The following ABTB3 variants were observed in gnomAD, a reference collection of about 807,000 sequenced individuals.
The protein encoded by ABTB3 is ankyrin repeat- and BTB/POZ domain-containing protein 3.
chr12:107,531,820 C>T, the ABTB3 span, among the ~76,000 whole-genome samples: 1 of 152,116 alleles, frequency 6.6e-6, no homozygotes, highest in African/African-American at 2.4e-5. Context: ...CCCTGGGTCC[C>T]AGTAGCCCCT....
At chr12:107,363,161 G>T in the ABTB3 span, among the ~76,000 whole-genome samples, 2 of 152,206 alleles carry the variant, frequency 1.3e-5, no homozygotes, top group African/African-American at 4.8e-5. Flanking sequence ...CCCTCACTGC[G>T]TTGGGGCAGG....
At chr12:107,364,416 AGT>A in the ABTB3 span, among the ~76,000 whole-genome samples, 1 of 151,798 alleles carries the variant, frequency 6.6e-6, no homozygotes, top group Admixed American at 6.6e-5. Context: ...AGCCCTCCTG[AGT>A]AGCTGGAACT....
At chr12:107,494,937 A>T in the ABTB3 span, among the ~76,000 whole-genome samples, 1 of 152,084 alleles carries the variant, frequency 6.6e-6, no homozygotes, top group Non-Finnish European at 1.5e-5. Context: ...GGCCTTTTAA[A>T]CTCTGTCTCC....
the ABTB3 span, among the ~76,000 whole-genome samples, chr12:107,503,043 T>G: frequency 1.3e-5 from 2 of 152,148 alleles, no homozygotes; most frequent in African/African-American, 4.8e-5. Context: ...GGAGGGGACA[T>G]GCCAGGCCTT....
chr12:107,544,283 C>A, the ABTB3 span: 29 of 849,378 alleles, frequency 3.4e-5, no homozygotes, highest in Non-Finnish European at 4.9e-5. Flanking sequence ...ACCTTGCACC[C>A]TGAGGGGATA....
chr12:107,576,093 T>C, the ABTB3 span, among the ~76,000 whole-genome samples: 1 of 152,164 alleles, frequency 6.6e-6, no homozygotes, highest in Non-Finnish European at 1.5e-5. Flanking sequence ...CATCCCCTAC[T>C]GCACTAGGTT....
the ABTB3 span, among the ~76,000 whole-genome samples, chr12:107,369,706 G>GTTTTTTTT: frequency 2.7e-5 from 2 of 74,776 alleles, no homozygotes; most frequent in African/African-American, 9.2e-5. Flanking sequence ...GCCCAAACAT[G>GTTTTTTTT]GTTTTTTTTT....
At chr12:107,646,677 G>A in the ABTB3 span, among the ~76,000 whole-genome samples, 1 of 152,148 alleles carries the variant, frequency 6.6e-6, no homozygotes, top group East Asian at 1.9e-4. Context: ...ACAGACAGGC[G>A]AGGATTCGTG....
the ABTB3 span, among the ~76,000 whole-genome samples, chr12:107,495,940 A>G: frequency 2.6e-5 from 4 of 152,182 alleles, no homozygotes; most frequent in African/African-American, 9.7e-5. Flanking sequence ...TACTAAATGA[A>G]AGTTAACTGT....
chr12:107,603,721 G>A, the ABTB3 span, among the ~76,000 whole-genome samples: 1 of 152,154 alleles, frequency 6.6e-6, no homozygotes, highest in Non-Finnish European at 1.5e-5. Flanking sequence ...TCAAATTAAA[G>A]AGCTTCTGCA....
chr12:107,482,149 A>C, the ABTB3 span, among the ~76,000 whole-genome samples: 1 of 152,060 alleles, frequency 6.6e-6, no homozygotes, highest in Non-Finnish European at 1.5e-5. Flanking sequence ...GGGAGTAGAC[A>C]CTGGATGGGC....
the ABTB3 span, chr12:107,612,885 C>T: frequency 6.2e-7 from 1 of 1,610,664 alleles, no homozygotes; most frequent in Non-Finnish European, 8.5e-7. Context: ...GGTGCAGAGG[C>T]CAGCAGGGCC....
the ABTB3 span, among the ~76,000 whole-genome samples, chr12:107,448,640 TC>T: frequency 3.6e-3 from 534 of 148,732 alleles, 2 homozygotes; most frequent in African/African-American, 0.013. Context: ...TTTCTTTCTT[TC>T]TTTCTTTTTT....
At chr12:107,581,191 G>A in the ABTB3 span, 3 of 1,539,624 alleles carry the variant, frequency 1.9e-6, no homozygotes, top group Admixed American at 2.0e-5. Flanking sequence ...AGTGGATCCG[G>A]GTGGCCGTGG....
chr12:107,528,847 G>C, the ABTB3 span, among the ~76,000 whole-genome samples: 1 of 151,802 alleles, frequency 6.6e-6, no homozygotes, highest in Non-Finnish European at 1.5e-5. Context: ...GATGGTGATG[G>C]TGATGATGAT....
At chr12:107,544,676 C>T in the ABTB3 span, among the ~76,000 whole-genome samples, 2 of 152,188 alleles carry the variant, frequency 1.3e-5, no homozygotes, top group Admixed American at 6.5e-5. Context: ...TCCTGTCTGC[C>T]TCCCCACTTC....
the ABTB3 span, among the ~76,000 whole-genome samples, chr12:107,452,452 T>C: frequency 6.6e-6 from 1 of 151,936 alleles, no homozygotes; most frequent in Non-Finnish European, 1.5e-5. Context: ...GTGATCCGCC[T>C]GCCTCGGCCT....
chr12:107,348,767 G>A, the ABTB3 span, among the ~76,000 whole-genome samples: 1 of 152,170 alleles, frequency 6.6e-6, no homozygotes, highest in Non-Finnish European at 1.5e-5. Context: ...TTCTGTGACA[G>A]AGACCAGCAA....
chr12:107,384,341 T>G, the ABTB3 span, among the ~76,000 whole-genome samples: 5 of 152,148 alleles, frequency 3.3e-5, no homozygotes, highest in Non-Finnish European at 4.4e-5. Flanking sequence ...TTAACCAGTA[T>G]GTGACCATTT....
Sources: allele counts gnomAD v4.1 joint callset (sites outside exome capture counted in the v4.1 genomes callset), GRCh38; gene constraint gnomAD v4.1.1; transcripts MANE v1.5; gene names NCBI Gene and HGNC (gene_info 2026-07-23, HGNC 2026-07-21).